STAU2: variants seen among roughly 807,000 people sequenced by gnomAD.
STAU2 encodes the protein double-stranded RNA-binding protein Staufen homolog 2.
STAU2 carries 20 observed loss-of-function variants against 65.9 expected under a neutral mutation model. The ratio of observed to expected loss-of-function variants is 0.30; its 90% CI spans 0.21 to 0.44. The LOEUF is 0.44. STAU2 is among the 20% of genes least tolerant of loss of function. The pLI is 1.00. For missense variants in STAU2, 558 were observed against 683.9 expected, an observed-to-expected ratio of 0.82 and a Z score of 2.05; for synonymous variants, 232 against 233.9, an observed-to-expected ratio of 0.99 and a Z score of 0.07.
intron 12 of STAU2, among the ~76,000 whole-genome samples, chr8:73,566,513 C>CA (rs992790390): frequency 6.6e-6 from 1 of 152,002 alleles, no homozygotes; most frequent in Non-Finnish European, 1.5e-5. Context: ...AACATTCTTT[C>CA]AAAAAAATGC....
chr8:73,635,869 T>C (rs1814453932), intron 6 of STAU2, among the ~76,000 whole-genome samples: 1 of 151,360 alleles, frequency 6.6e-6, no homozygotes, highest in African/African-American at 2.4e-5. Context: ...CTTCATATTC[T>C]ATGTATAAAA....
chr8:73,572,206 C>G (rs1031511091), intron 12 of STAU2, among the ~76,000 whole-genome samples: 1 of 152,020 alleles, frequency 6.6e-6, no homozygotes, highest in Non-Finnish European at 1.5e-5. Context: ...CCAGGAAGAA[C>G]TTGAATCCCT....
At chr8:73,719,855 T>C (rs949306951) in intron 3 of STAU2, among the ~76,000 whole-genome samples, 1 of 152,228 alleles carries the variant, frequency 6.6e-6, no homozygotes, top group Admixed American at 6.5e-5. Context: ...TCCACTTCAA[T>C]ATTTTTAAAA....
intron 6 of STAU2, among the ~76,000 whole-genome samples, chr8:73,668,549 T>C (rs7825455): frequency 0.072 from 11,035 of 152,274 alleles, 438 homozygotes; most frequent in Middle Eastern, 0.14. Flanking sequence ...CTAATGTACA[T>C]AATTTTTATA....
At chr8:73,590,339 G>A (rs1810682764) in intron 11 of STAU2, among the ~76,000 whole-genome samples, 1 of 151,412 alleles carries the variant, frequency 6.6e-6, no homozygotes, top group African/African-American at 2.4e-5. Context: ...AAGGCTGAGA[G>A]AGGAAAAAAA....
chr8:73,599,240 A>T (rs1456817215), intron 10 of STAU2, among the ~76,000 whole-genome samples: 1 of 152,204 alleles, frequency 6.6e-6, no homozygotes, highest in East Asian at 1.9e-4. Flanking sequence ...ATCTAGACTT[A>T]TTATGAAGTT....
intron 13 of STAU2, among the ~76,000 whole-genome samples, chr8:73,454,815 T>C (rs1470326810): frequency 6.6e-6 from 1 of 152,160 alleles, no homozygotes; most frequent in Non-Finnish European, 1.5e-5. Context: ...CACACACAGA[T>C]CATGGATTTA....
intron 6 of STAU2, among the ~76,000 whole-genome samples, chr8:73,632,692 C>A (rs538398317): frequency 1.1e-4 from 16 of 152,178 alleles, no homozygotes; most frequent in Admixed American, 3.9e-4. Context: ...TAAAATCACC[C>A]CAGTTATGCA....
intron 13 of STAU2, among the ~76,000 whole-genome samples, chr8:73,432,784 T>C (rs980397477): frequency 2.0e-5 from 3 of 152,162 alleles, no homozygotes; most frequent in African/African-American, 7.2e-5. Flanking sequence ...TCCATAAAAT[T>C]GGTACTTTCT....
intron 1 of STAU2, among the ~76,000 whole-genome samples, chr8:73,741,859 C>A (rs1806909169): frequency 6.6e-6 from 1 of 152,032 alleles, no homozygotes; most frequent in African/African-American, 2.4e-5. Context: ...CATGAAGTAA[C>A]AAAAAATAAA....
intron 10 of STAU2, 75 bp downstream of exon 10, chr8:73,603,651 T>C: frequency 6.5e-7 from 1 of 1,536,232 alleles, no homozygotes; most frequent in Non-Finnish European, 8.7e-7. Context: ...AGTCCTAGTT[T>C]GCCTTTCGCC....
intron 5 of STAU2, among the ~76,000 whole-genome samples, chr8:73,676,574 A>G (rs1478031692): frequency 6.6e-6 from 1 of 152,144 alleles, no homozygotes; most frequent in Non-Finnish European, 1.5e-5. Flanking sequence ...AGCTTCCACT[A>G]AACAAGAATT....
chr8:73,456,575 G>A (rs1180467624), intron 13 of STAU2, among the ~76,000 whole-genome samples: 1 of 152,078 alleles, frequency 6.6e-6, no homozygotes, highest in East Asian at 1.9e-4. Flanking sequence ...AGGAAGGGAG[G>A]GGGCAGAACA....
intron 13 of STAU2, among the ~76,000 whole-genome samples, chr8:73,522,626 C>A (rs1585925760): frequency 6.6e-6 from 1 of 152,286 alleles, no homozygotes. Context: ...AAATCTGTAT[C>A]TGAAAATTTA....
At chr8:73,619,972 A>C (rs1813106710) in intron 6 of STAU2, among the ~76,000 whole-genome samples, 1 of 152,222 alleles carries the variant, frequency 6.6e-6, no homozygotes, top group African/African-American at 2.4e-5. Context: ...TTTTATTATA[A>C]ACAAAGATTA....
At position 73,552,037 on chromosome 8, in the gene STAU2, T is replaced by C; in HGVS notation, c.1505A>G (p.Tyr502Cys). 1 of 1,577,546 alleles carries C rather than the reference T, an allele frequency of 6.3e-7. No individual in the cohort carries two copies. Among genetic ancestry groups the C allele is most frequent in the South Asian group, 1.2e-5 (1 of 84,854 alleles). Reference sequence around the variant, plus strand: ...CTGAAAGCCTTGAATCCTTGCTAAATATTCCAGTTGTTTTGAAGGTTGTAC... The same window carrying C: ...CTGAAAGCCTTGAATCCTTGCTAAACATTCCAGTTGTTTTGAAGGTTGTAC... ...SPVQPSKQLE[Y>C]LARIQGFQAA... Residue 502 changes from tyrosine to cysteine, a missense_variant, in exon 13 of 15, where the codon TAT (tyrosine) becomes TGT (cysteine). Tyr to Cys is a radical substitution (Grantham distance 194). Transcript: ENST00000524300.
chr8:73,669,637 T>TCTCTCTCTC (rs1817516109), intron 6 of STAU2, among the ~76,000 whole-genome samples: 1 of 141,246 alleles, frequency 7.1e-6, no homozygotes. Context: ...GAGCCTGGAA[T>TCTCTCTCTC]TCTCTCTCTC....
At chr8:73,646,738 ACTT>A (rs1464412531) in intron 6 of STAU2, among the ~76,000 whole-genome samples, 2 of 152,086 alleles carry the variant, frequency 1.3e-5, no homozygotes, top group Non-Finnish European at 2.9e-5. Flanking sequence ...AAAATAAAAA[ACTT>A]CTGCTCTATG....
At chr8:73,435,895 C>T (rs957046102) in intron 13 of STAU2, among the ~76,000 whole-genome samples, 1 of 151,798 alleles carries the variant, frequency 6.6e-6, no homozygotes, top group African/African-American at 2.4e-5. Flanking sequence ...AAGCACCTCT[C>T]GCCCGAGAGG....
Sources: allele counts gnomAD v4.1 joint callset (sites outside exome capture counted in the v4.1 genomes callset), GRCh38; gene constraint gnomAD v4.1.1; transcripts MANE v1.5; gene names NCBI Gene and HGNC (gene_info 2026-07-23, HGNC 2026-07-21).